ABCB1: variants seen among roughly 807,000 people sequenced by gnomAD.
ABCB1 encodes the protein ATP-dependent translocase ABCB1.
Under a neutral mutation model 142.0 loss-of-function variants are expected in ABCB1, and 69 were observed. The ratio of observed to expected loss-of-function variants is 0.49; its 90% CI spans 0.40 to 0.59. The LOEUF (loss-of-function observed/expected upper bound fraction) is 0.59. Ranked by LOEUF, ABCB1 falls within the 20% of genes least tolerant of loss-of-function variation. The probability of loss-of-function intolerance (pLI) is 0.00; values close to 1 mark genes in which losing one functional copy is unlikely to be tolerated. For missense variants in ABCB1, 1,326 were observed against 1,554.7 expected, an observed-to-expected ratio of 0.85 and a Z score of 2.47; for synonymous variants, 532 against 539.2, an observed-to-expected ratio of 0.99 and a Z score of 0.18.
At chr7:87,626,843 T>A (rs1314000115) in intron 1 of ABCB1, among the ~76,000 whole-genome samples, 3 of 151,832 alleles carry the variant, frequency 2.0e-5, no homozygotes, top group Non-Finnish European at 4.4e-5. Flanking sequence ...TGGCGCAGTC[T>A]CCGCTCACTG....
chr7:87,703,885 C>CTTTTTTTTTTTTTTTTTTTTTTTTTT, intron 1 of ABCB1, among the ~76,000 whole-genome samples: 28 of 60,292 alleles, frequency 4.6e-4, no homozygotes, highest in Admixed American at 9.7e-4. Context: ...TCAGTTTTTT[C>CTTTTTTTTTTTTTTTTTTTTTTTTTT]TTTTTTTTTT....
chr7:87,590,790 T>C (rs1407447591), intron 3 of ABCB1, among the ~76,000 whole-genome samples: 2 of 152,184 alleles, frequency 1.3e-5, no homozygotes, highest in Admixed American at 1.3e-4. Flanking sequence ...GAACTTCCTG[T>C]GTAAGCAGAA....
intron 1 of ABCB1, among the ~76,000 whole-genome samples, chr7:87,656,943 T>C (rs1824166130): frequency 6.6e-6 from 1 of 152,186 alleles, no homozygotes; most frequent in Non-Finnish European, 1.5e-5. Flanking sequence ...GGGCATACAG[T>C]AGGGAATTAA....
rs1817002308 is a variant in ABCB1 at position 87,550,433 on chromosome 7, T to C, written c.1224+35A>G. The C allele has an allele frequency of 2.5e-6, 4 of 1,599,032 alleles. No homozygotes were observed. In the African/African-American group the frequency reaches 4.0e-5, roughly 16 times the overall value. On this transcript the variant is annotated intron_variant, in intron 11 of 27. Transcript: ENST00000622132. ...AAAACATCAGAAACTCTTCATTCAA[T>C]AGATTAATTGTTGATTAATCATTTA...
chr7:87,596,907 A>C (rs1819232759), intron 2 of ABCB1, among the ~76,000 whole-genome samples: 1 of 152,078 alleles, frequency 6.6e-6, no homozygotes, highest in African/African-American at 2.4e-5. Context: ...AGCCATAAAT[A>C]GTTGAGTTTT....
At chr7:87,709,433 T>G in intron 1 of ABCB1, 1 of 985,364 alleles carries the variant, frequency 1.0e-6, no homozygotes, top group Non-Finnish European at 1.2e-6. Context: ...TACAGCTAAC[T>G]GCAGGTTCCC....
intron 3 of ABCB1, among the ~76,000 whole-genome samples, chr7:87,588,153 TTTG>T (rs1298441689): frequency 8.4e-6 from 1 of 118,376 alleles, no homozygotes; most frequent in African/African-American, 2.7e-5. Flanking sequence ...CATATTTCCT[TTTG>T]TTTTTTTTTT....
chr7:87,531,417 A>G lies in ABCB1; in HGVS notation c.2562T>C (p.Gly854=). ...GTGIIISFIY[G]WQLTLLLLAI... ...CTAAGAGTAACAGTGTTAGTTGCCA[A>G]CCATAGATGAAGGATATAATTATTC... The change falls in exon 21 of 28, where the codon GGT becomes GGC. Residue 854 remains glycine (G), a synonymous_variant. Coordinates refer to ENST00000622132, the MANE Select transcript of ABCB1 (RefSeq NM_001348946.2). 6.2e-7 allele frequency: 1 copy of G among 1,613,550 alleles called. No individual in the cohort carries two copies. Among genetic ancestry groups the G allele is most frequent in the Non-Finnish European group, 8.5e-7 (1 of 1,179,710 alleles).
chr7:87,663,787 A>G (rs1824951877), intron 1 of ABCB1, among the ~76,000 whole-genome samples: 1 of 152,122 alleles, frequency 6.6e-6, no homozygotes, highest in African/African-American at 2.4e-5. Context: ...GAGAAGTCCA[A>G]GATCAAGATA....
At position 87,509,421 on chromosome 7, in the gene ABCB1, T is replaced by C. The variant is rs1347910274; in HGVS notation, c.3343A>G (p.Ile1115Val). 1.9e-6 allele frequency: 3 copies of C among 1,614,208 alleles called. No individual in the cohort carries two copies. Among genetic ancestry groups the C allele is most frequent in the African/African-American group, 1.3e-5 (1 of 75,044 alleles). The change falls in exon 26 of 28, where the codon ATC (isoleucine) becomes GTC (valine). Residue 1115 changes from isoleucine (I) to valine (V), a missense_variant. By Grantham distance (29) the Ile-to-Val change is conservative. Coordinates refer to ENST00000622132, the MANE Select transcript of ABCB1 (RefSeq NM_001348946.2). ...AACAGGATGGGCTCCTGGGACACGA[T>C]GCCCAGGTGTGCTCGGAGCCACTGA... ...NVQWLRAHLG[I>V]VSQEPILFDC... is the part of the protein sequence containing the mutation.
At chr7:87,551,031 C>A (rs1329140073) in intron 9 of ABCB1, among the ~76,000 whole-genome samples, 193 bp from the exon 10 acceptor site, 1 of 151,200 alleles carries the variant, frequency 6.6e-6, no homozygotes, top group Non-Finnish European at 1.5e-5. Flanking sequence ...CATTTTTTTT[C>A]CTTTTTAAGA....
chr7:87,526,063 C>T (rs1484357064), intron 21 of ABCB1, among the ~76,000 whole-genome samples: 1 of 152,108 alleles, frequency 6.6e-6, no homozygotes, highest in Non-Finnish European at 1.5e-5. Context: ...TTTGGAAACA[C>T]TCATCTTTAT....
At chr7:87,513,633 C>T (rs1440893664) in intron 25 of ABCB1, among the ~76,000 whole-genome samples, 7 of 152,190 alleles carry the variant, frequency 4.6e-5, no homozygotes, top group Non-Finnish European at 7.3e-5. Flanking sequence ...GTCCTATTTG[C>T]TGCATTGGGA....
rs143829085 is a variant in ABCB1, at chr7:87,608,031, T to C, written c.-330-6953A>G. ...AATTTCAATGATGCCTGCCAAGAAA[T>C]AGTTGGAACTTTTTTGTTGGATTTG... On this transcript the variant is annotated intron_variant, in intron 1 of 28. Coordinates refer to the ABCB1 transcript ENST00000265724. Among the ~76,000 whole-genome samples the C allele has an allele frequency of 4.2e-3, 639 of 152,294 alleles. 9 individuals are homozygous for C. The highest frequency in any genetic ancestry group is 5.4e-3 in the Non-Finnish European group (368 of 68,018).
At chr7:87,567,742 C>A (rs1053591649) in intron 5 of ABCB1, among the ~76,000 whole-genome samples, 1 of 152,080 alleles carries the variant, frequency 6.6e-6, no homozygotes, top group Non-Finnish European at 1.5e-5. Flanking sequence ...AAAAAACAGA[C>A]CCTTAATCAA....
chr7:87,635,425 G>C (rs62488858), intron 1 of ABCB1, among the ~76,000 whole-genome samples: 304 of 152,186 alleles, frequency 2.0e-3, no homozygotes, highest in South Asian at 3.3e-3. Context: ...CCAACAATTT[G>C]TATTTTCAAG....
intron 5 of ABCB1, among the ~76,000 whole-genome samples, chr7:87,567,947 T>C (rs1817847601): frequency 6.6e-6 from 1 of 151,302 alleles, no homozygotes; most frequent in Non-Finnish European, 1.5e-5. Flanking sequence ...ACAAAAAAAT[T>C]AGCCAAGCGT....
At chr7:87,585,814 C>A in intron 3 of ABCB1, 134 bp from the exon 4 acceptor site, 1 of 838,024 alleles carries the variant, frequency 1.2e-6, no homozygotes, top group Non-Finnish European at 1.9e-6. Flanking sequence ...TCCAAGACAC[C>A]CTCTACCTTT....
intron 1 of ABCB1, among the ~76,000 whole-genome samples, chr7:87,700,949 C>T (rs868827629): frequency 6.6e-6 from 1 of 152,214 alleles, no homozygotes; most frequent in Non-Finnish European, 1.5e-5. Flanking sequence ...AGTTCTTCCC[C>T]ACCATGCACT....
Sources: allele counts gnomAD v4.1 joint callset (sites outside exome capture counted in the v4.1 genomes callset), GRCh38; gene constraint gnomAD v4.1.1; transcripts MANE v1.5; gene names NCBI Gene and HGNC (gene_info 2026-07-23, HGNC 2026-07-21).